The following PJVK variants were observed in gnomAD, a reference collection of about 807,000 sequenced individuals.
PJVK encodes pejvakin, also known as autosomal recessive deafness type 59 protein.
Under a neutral mutation model 37.6 loss-of-function variants are expected in PJVK, and 33 were observed. The ratio of observed to expected loss-of-function variants is 0.88; its 90% CI spans 0.67 to 1.17. The LOEUF is 1.17. PJVK is among the 50% of genes most tolerant of loss of function. The probability of loss-of-function intolerance (pLI) is 0.00; values close to 1 mark genes in which losing one functional copy is unlikely to be tolerated. For synonymous variants in PJVK, 141 were observed against 143.5 expected (o/e 0.98, Z 0.13); for missense variants, 410 against 413.8 (o/e 0.99, Z 0.08).
intron 6 of PJVK, 149 bp downstream of exon 6, chr2:178,460,595 C>A (rs1255694425): frequency 5.2e-6 from 4 of 770,000 alleles, no homozygotes; most frequent in Non-Finnish European, 8.4e-6. Flanking sequence ...ATAATCCCAG[C>A]ACTTTGGGAG....
Position 178,458,015 on chromosome 2 carries a change from A to G in PJVK, c.550-495A>G, listed in dbSNP as rs1003168784. Among the ~76,000 whole-genome samples, 6 of 152,246 alleles carry G rather than the reference A, an allele frequency of 3.9e-5. No individual in the cohort carries two copies. The East Asian group carries it at 7.7e-4, about 20-fold the overall frequency. On this transcript the variant is annotated intron_variant, in intron 4 of 6. Transcript: ENST00000644580. Reference sequence around the variant, plus strand: ...AGGATAATCTTTTCAAGTCTTTGCAAATAAAAGTTATTTTCGCATATTCAG... The same window carrying G: ...AGGATAATCTTTTCAAGTCTTTGCAGATAAAAGTTATTTTCGCATATTCAG...
chr2:178,458,479 CTTAA>C (rs1290889612), intron 4 of PJVK, 27 bp from the exon 5 acceptor site: 1 of 1,496,796 alleles, frequency 6.7e-7, no homozygotes, highest in Non-Finnish European at 9.3e-7. Context: ...TGTTATGATC[CTTAA>C]TTATGTTATT....
intron 4 of PJVK, 60 bp from the exon 5 acceptor site, chr2:178,458,450 C>T (rs1684265539): frequency 7.5e-7 from 1 of 1,342,232 alleles, no homozygotes; most frequent in African/African-American, 1.5e-5. Context: ...TTTCATTTCT[C>T]CAAAAAGCTA....
intron 3 of PJVK, chr2:178,455,063 C>A: frequency 1.4e-6 from 2 of 1,449,818 alleles, no homozygotes; most frequent in Non-Finnish European, 1.9e-6. Flanking sequence ...CCAGGTGGGG[C>A]TCAAGGGGCA....
intron 3 of PJVK, chr2:178,455,378 T>C (rs1351711694): frequency 1.5e-6 from 2 of 1,343,964 alleles, no homozygotes; most frequent in Non-Finnish European, 2.1e-6. Context: ...TCTGAAGAAG[T>C]TCATGGATCA....
chr2:178,454,898 C>T (rs1683928332), intron 3 of PJVK: 2 of 944,394 alleles, frequency 2.1e-6, no homozygotes, highest in Non-Finnish European at 3.5e-6. Context: ...ATGAGAAGGA[C>T]AAAGGAAAAC....
intron 4 of PJVK, among the ~76,000 whole-genome samples, chr2:178,457,509 G>A (rs981906931): frequency 3.3e-5 from 5 of 152,142 alleles, no homozygotes; most frequent in African/African-American, 7.2e-5. Flanking sequence ...CCAGCTACTC[G>A]GAAGGCTGAG....
intron 6 of PJVK, among the ~76,000 whole-genome samples, chr2:178,460,711 C>T (rs1045095874): frequency 6.6e-6 from 1 of 151,786 alleles, no homozygotes; most frequent in Non-Finnish European, 1.5e-5. Flanking sequence ...TAGTTGGTTG[C>T]AGTGGTGTGC....
chr2:178,453,772 TAAC>T (rs1697868139), intron 2 of PJVK, 152 bp downstream of exon 2: 1 of 643,980 alleles, frequency 1.6e-6, no homozygotes, highest in Non-Finnish European at 2.7e-6. Context: ...TTATTAAGAT[TAAC>T]AATGCCAAAA....
At position 178,456,090 on chromosome 2, in the gene PJVK, T is replaced by C; in HGVS notation, c.488T>C (p.Ile163Thr). The C allele has an allele frequency of 6.2e-7, 1 of 1,614,164 alleles. No individual in the cohort carries two copies. Among genetic ancestry groups the C allele is most frequent in the Non-Finnish European group, 8.5e-7 (1 of 1,180,018 alleles). The change falls in exon 4 of 7, where the codon ATC becomes ACC. Residue 163 changes from isoleucine (I) to threonine (T), a missense_variant. Coordinates refer to ENST00000644580, the MANE Select transcript of PJVK (RefSeq NM_001042702.5). ...GTATTGTGTGTGGTCATGGAGAGCA[T>C]CCGAACCACACGACAGTGCTCACTG... ...KAVLCVVMES[I>T]RTTRQCSLSV...
At chr2:178,458,400 G>C (rs902728653) in intron 4 of PJVK, 110 bp from the exon 5 acceptor site, 10 of 862,364 alleles carry the variant, frequency 1.2e-5, no homozygotes, top group Non-Finnish European at 1.8e-5. Flanking sequence ...CCTTTACTTG[G>C]GAATTTTTTG....
At chr2:178,451,864 A>G (rs1697688632) in intron 1 of PJVK, 95 bp downstream of exon 1, 2 of 985,192 alleles carry the variant, frequency 2.0e-6, no homozygotes, top group East Asian at 2.3e-4. Context: ...GGGATGCAGC[A>G]CCTTTGGTGG....
Position 178,460,337 on chromosome 2 carries a change from T to C in PJVK, c.668-11T>C. ...TCAAGTTATAACATCTTCTAACAAT[T>C]TTTTTTGTAGACCTTTGTGTCACTT... is the stretch of plus-strand genomic sequence containing the variant. On this transcript the variant is annotated splice_polypyrimidine_tract_variant and intron_variant, in intron 5 of 6. Coordinates refer to ENST00000644580, the MANE Select transcript of PJVK (RefSeq NM_001042702.5). 6.2e-7 allele frequency: 1 copy of C among 1,611,980 alleles called. No individual in the cohort carries two copies.
intron 1 of PJVK, chr2:178,452,239 G>T: frequency 1.1e-6 from 1 of 932,770 alleles, no homozygotes; most frequent in Non-Finnish European, 1.3e-6. Context: ...GTTGCAGTGA[G>T]CCGAGATCGC....
chr2:178,460,898 T>C lies in PJVK; in HGVS notation c.767-84T>C, dbSNP rs975041649. The C allele has an allele frequency of 5.5e-6, 7 of 1,261,404 alleles. No homozygotes were observed. The Admixed American group carries it at 9.1e-5, about 16-fold the overall frequency. The allele number at this position is 1,261,404 out of a possible 1,614,324, so 78.1% of individuals were successfully genotyped here. A position where few individuals can be genotyped will look rare whatever the true frequency, so the allele number is the denominator to read the frequency against. On this transcript the variant is annotated intron_variant, in intron 6 of 6. Coordinates refer to ENST00000644580, the MANE Select transcript of PJVK (RefSeq NM_001042702.5). ...GCCAAATTATTTCATGACTAGTGGA[T>C]TCACATATTTATTAATGCTGTTTGC...
At chr2:178,460,582 C>A in intron 6 of PJVK, 136 bp downstream of exon 6, 1 of 822,504 alleles carries the variant, frequency 1.2e-6, no homozygotes, top group Non-Finnish European at 1.9e-6. Context: ...GTGGCTCATG[C>A]CTATAATCCC....
chr2:178,453,457 A>T lies in PJVK; in HGVS notation c.48A>T (p.Gly16=), dbSNP rs1227567644. ...GCTTTGTCAAGCAAGTTGGAGATGG[A>T]GGGAGATTAGTTCCTGTTCCAAGCC... is the stretch of plus-strand genomic sequence containing the variant. The part of the protein sequence containing the change: ...TKSFVKQVGD[G]GRLVPVPSLS... Residue 16 remains glycine, a synonymous_variant, in exon 2 of 7, where the codon GGA becomes GGT. Coordinates refer to ENST00000644580, the MANE Select transcript of PJVK (RefSeq NM_001042702.5). 6.2e-7 allele frequency: 1 copy of T among 1,614,168 alleles called. No individual in the cohort carries two copies. Among genetic ancestry groups the T allele is most frequent in the East Asian group, 2.2e-5 (1 of 44,872 alleles).
chr2:178,456,615 AATT>A (rs901807717), intron 4 of PJVK, among the ~76,000 whole-genome samples: 1 of 152,148 alleles, frequency 6.6e-6, no homozygotes, highest in Non-Finnish European at 1.5e-5. Context: ...AAAATACAAA[AATT>A]AGCCAGGTGT....
At position 178,461,594 on chromosome 2, in the gene PJVK, T is replaced by TTTTTG; in HGVS notation, c.*324_*325insGTTTT. The stretch of plus-strand genomic sequence containing the variant: ...ATCATTTTAGTTCACCTTTTTTTTT[T>TTTTTG]TTTTTTTTGAGACAGAGCCTTGCTC... On this transcript the variant is annotated 3_prime_UTR_variant, in exon 7 of 7. Transcript: ENST00000644580. Among the ~76,000 whole-genome samples the TTTTTG allele has an allele frequency of 6.7e-6, 1 of 149,496 alleles. No individual in the cohort carries two copies. Among genetic ancestry groups the TTTTTG allele is most frequent in the South Asian group, 2.1e-4 (1 of 4,674 alleles).
Sources: gnomAD v4.1 joint callset for allele counts (sites outside exome capture counted in the v4.1 genomes callset) on GRCh38, gnomAD v4.1.1 for gene constraint, MANE v1.5 for transcripts, NCBI Gene and HGNC (gene_info 2026-07-23, HGNC 2026-07-21) for gene names.